EXOC6B: variants seen among roughly 807,000 people sequenced by gnomAD.
EXOC6B encodes exocyst complex component 6B.
Under a neutral mutation model 113.5 loss-of-function variants are expected in EXOC6B, and 54 were observed. The ratio of observed to expected loss-of-function variants is 0.48; its 90% CI spans 0.38 to 0.60. The LOEUF (loss-of-function observed/expected upper bound fraction) is 0.60, where lower values mean the gene tolerates loss of function less well. Among genes scored for constraint, EXOC6B ranks in the 20% least tolerant of loss-of-function variants. The pLI is 0.00. For missense variants in EXOC6B, 797 were observed against 977.5 expected, an observed-to-expected ratio of 0.82 and a Z score of 2.46; for synonymous variants, 357 against 339.0, an observed-to-expected ratio of 1.05 and a Z score of -0.58.
At chr2:72,313,498 A>G (rs1687333197) in intron 20 of EXOC6B, among the ~76,000 whole-genome samples, 1 of 152,198 alleles carries the variant, frequency 6.6e-6, no homozygotes, top group Non-Finnish European at 1.5e-5. Context: ...TATACAAATC[A>G]AGACTCACTA....
At chr2:72,570,702 C>T (rs1174221112) in intron 7 of EXOC6B, among the ~76,000 whole-genome samples, 1 of 152,158 alleles carries the variant, frequency 6.6e-6, no homozygotes. Context: ...TCTAAGAATG[C>T]AGAAGCTCTG....
At chr2:72,488,220 G>C (rs888813952) in intron 16 of EXOC6B, among the ~76,000 whole-genome samples, 1 of 150,672 alleles carries the variant, frequency 6.6e-6, no homozygotes, top group Non-Finnish European at 1.5e-5. Flanking sequence ...TGTTTTTTTT[G>C]TTTTGCTTTT....
At chr2:72,654,009 G>A (rs568793287) in intron 6 of EXOC6B, among the ~76,000 whole-genome samples, 11 of 144,112 alleles carry the variant, frequency 7.6e-5, no homozygotes, top group Non-Finnish European at 1.2e-4. Context: ...TTACTCTGTC[G>A]CCCAGGCTGG....
At chr2:72,397,626 A>AATAAAAAAT (rs1692816347) in intron 18 of EXOC6B, among the ~76,000 whole-genome samples, 1 of 131,616 alleles carries the variant, frequency 7.6e-6, no homozygotes, top group Admixed American at 7.3e-5. Context: ...TCAAAAAAAA[A>AATAAAAAAT]AAATAAAATA....
chr2:72,338,958 T>TACACAC (rs1336743551), intron 19 of EXOC6B, among the ~76,000 whole-genome samples: 1 of 151,076 alleles, frequency 6.6e-6, no homozygotes. Context: ...CACATACACA[T>TACACAC]ACACATACAT....
chr2:72,227,965 A>C (rs1398301753), intron 20 of EXOC6B, among the ~76,000 whole-genome samples: 1 of 152,148 alleles, frequency 6.6e-6, no homozygotes, highest in Non-Finnish European at 1.5e-5. Flanking sequence ...AGGAAGAGTG[A>C]TTGCAAAGAT....
At chr2:72,354,708 C>T (rs959948072) in intron 19 of EXOC6B, among the ~76,000 whole-genome samples, 3 of 152,156 alleles carry the variant, frequency 2.0e-5, no homozygotes, top group Non-Finnish European at 4.4e-5. Flanking sequence ...GGTCCATCAT[C>T]TGTAGTCAAA....
At chr2:72,473,976 G>T (rs1235692560) in intron 17 of EXOC6B, among the ~76,000 whole-genome samples, 1 of 151,882 alleles carries the variant, frequency 6.6e-6, no homozygotes, top group Non-Finnish European at 1.5e-5. Context: ...GCTTTTGCTT[G>T]TATGAGAAAG....
At position 72,345,862 on chromosome 2, in the gene EXOC6B, C is replaced by A. The variant is rs565034874; in HGVS notation, c.2123-10842G>T. Reference sequence around the variant, plus strand: ...ATAAGGATGTGTCACTGTATATTCACTGATTATAATAAATGTGCCACTCTC... The same window carrying A: ...ATAAGGATGTGTCACTGTATATTCAATGATTATAATAAATGTGCCACTCTC... On this transcript the variant is annotated intron_variant, in intron 19 of 21. Coordinates refer to ENST00000272427, the MANE Select transcript of EXOC6B (RefSeq NM_015189.3). Among the ~76,000 whole-genome samples, 11 of 152,226 alleles carry A rather than the reference C, an allele frequency of 7.2e-5. No individual in the cohort carries two copies. In the East Asian group the frequency reaches 2.1e-3, roughly 29 times the overall value.
chr2:72,357,295 G>T (rs951756925), intron 19 of EXOC6B, among the ~76,000 whole-genome samples: 2 of 152,054 alleles, frequency 1.3e-5, no homozygotes, highest in African/African-American at 2.4e-5. Flanking sequence ...CTTTAACATA[G>T]GGAGGCATGT....
At chr2:72,678,094 C>A (rs1342481900) in intron 6 of EXOC6B, among the ~76,000 whole-genome samples, 1 of 152,244 alleles carries the variant, frequency 6.6e-6, no homozygotes, top group South Asian at 2.1e-4. Context: ...AGGACCCTGA[C>A]AGCCTGACAA....
At chr2:72,204,657 C>T (rs1339695446) in intron 20 of EXOC6B, among the ~76,000 whole-genome samples, 2 of 152,270 alleles carry the variant, frequency 1.3e-5, no homozygotes, top group Middle Eastern at 3.4e-3. Flanking sequence ...CAAGATTCAC[C>T]TTGCGCTGAA....
At chr2:72,184,042 C>A (rs375808220) in intron 21 of EXOC6B, 33 bp downstream of exon 21, 447 of 1,250,712 alleles carry the variant, frequency 3.6e-4, no homozygotes, top group Non-Finnish European at 4.7e-4. Flanking sequence ...GTCTCCCCAC[C>A]TCCCAACACA....
chr2:72,669,551 C>T (rs1675642441), intron 6 of EXOC6B, among the ~76,000 whole-genome samples: 1 of 152,068 alleles, frequency 6.6e-6, no homozygotes, highest in Admixed American at 6.5e-5. Context: ...ATTACAGAAA[C>T]AACAAACCAA....
At chr2:72,562,743 C>A (rs1032339109) in intron 7 of EXOC6B, among the ~76,000 whole-genome samples, 8 of 152,138 alleles carry the variant, frequency 5.3e-5, no homozygotes, top group African/African-American at 1.9e-4. Context: ...GGCTTTCTTT[C>A]TGAGATACAG....
Position 72,516,238 on chromosome 2 carries a change from CTACTTTTATTTT to C in EXOC6B, c.916-1124_916-1113del, listed in dbSNP as rs566962403. ...ACACCCCACTTATTACTGAATTCTTCTACTTTTATTTTTACTTTTATTTTTTTTGAGACAGCA... is the reference window on the plus strand; with the variant it reads ...ACACCCCACTTATTACTGAATTCTTCTACTTTTATTTTTTTTGAGACAGCA... On this transcript the variant is annotated intron_variant, in intron 8 of 21. Coordinates refer to ENST00000272427, the MANE Select transcript of EXOC6B (RefSeq NM_015189.3). Among the ~76,000 whole-genome samples the C allele has an allele frequency of 3.4e-4, 52 of 152,164 alleles. No homozygotes were observed. In the East Asian group the frequency reaches 8.1e-3, roughly 24 times the overall value.
intron 11 of EXOC6B, among the ~76,000 whole-genome samples, chr2:72,510,559 C>T (rs1700841335): frequency 6.6e-6 from 1 of 151,244 alleles, no homozygotes; most frequent in African/African-American, 2.4e-5. Context: ...AAAATTAAAT[C>T]ATATTCATCA....
rs868365765 is a variant in EXOC6B, at chr2:72,340,924, T to C, written c.2123-5904A>G. ...TGATGTACTCCACAGGGAATCCAAT[T>C]CAGATCCTACTGGTCAGAGAAGGGA... On this transcript the variant is annotated intron_variant, in intron 19 of 21. Transcript: ENST00000272427. 1.1e-4 allele frequency among the ~76,000 whole-genome samples: 16 copies of C among 152,150 alleles called. No individual in the cohort carries two copies. The South Asian group carries it at 1.2e-3, about 12-fold the overall frequency.
At chr2:72,501,340 C>G (rs1031712483) in intron 11 of EXOC6B, among the ~76,000 whole-genome samples, 1 of 152,000 alleles carries the variant, frequency 6.6e-6, no homozygotes, top group Non-Finnish European at 1.5e-5. Flanking sequence ...GCCCTTGCTC[C>G]CTCTCTCACA....
Sources: allele counts gnomAD v4.1 joint callset (sites outside exome capture counted in the v4.1 genomes callset), GRCh38; gene constraint gnomAD v4.1.1; transcripts MANE v1.5; gene names NCBI Gene and HGNC (gene_info 2026-07-23, HGNC 2026-07-21).